The following CCSER1 variants were observed in gnomAD, a reference collection of about 807,000 sequenced individuals.
The protein encoded by CCSER1 is serine-rich coiled-coil domain-containing protein 1.
Under a neutral mutation model 82.0 loss-of-function variants are expected in CCSER1, and 41 were observed. The ratio of observed to expected loss-of-function variants is 0.50; its 90% CI spans 0.39 to 0.65. The LOEUF is 0.65. CCSER1 is among the 30% of genes least tolerant of loss of function. The pLI is 0.00. For synonymous variants in CCSER1, 414 were observed against 383.9 expected, an observed-to-expected ratio of 1.08 and a Z score of -0.92; for missense variants, 1,119 against 1,064.2, an observed-to-expected ratio of 1.05 and a Z score of -0.72.
chr4:91,217,070 C>G (rs1015875826), intron 10 of CCSER1, among the ~76,000 whole-genome samples: 4 of 151,996 alleles, frequency 2.6e-5, no homozygotes, highest in African/African-American at 9.7e-5. Flanking sequence ...CAGATGTGTT[C>G]GTAGTTTCTT....
chr4:90,505,713 C>T (rs1465556665), intron 5 of CCSER1, among the ~76,000 whole-genome samples: 5 of 152,170 alleles, frequency 3.3e-5, no homozygotes, highest in African/African-American at 4.8e-5. Flanking sequence ...TGTAAACTGC[C>T]TTGGCACTGA....
rs1764916968 is a variant in CCSER1 at position 91,605,226 on chromosome 4, G to C, written c.*6169G>C. The C allele has an allele frequency of 6.6e-6, 1 of 151,916 alleles. No individual in the cohort carries two copies. The highest frequency in any genetic ancestry group is 1.5e-5 in the Non-Finnish European group (1 of 67,910). The allele number at this position is 151,916 out of a possible 1,614,324, so 9.4% of individuals were successfully genotyped here. On this transcript the variant is annotated 3_prime_UTR_variant, in exon 11 of 11. Coordinates refer to ENST00000509176, the MANE Select transcript of CCSER1 (RefSeq NM_001145065.2). ...TTGGTTAATATTCTAAGAAAAGATT[G>C]ATATATTTAAGCATGGTGATTAGAA... is the stretch of plus-strand genomic sequence containing the variant.
rs933710234 is a variant in CCSER1 at position 90,276,844 on chromosome 4, G to GT, written c.-41-31392dup. 2.0e-4 allele frequency among the ~76,000 whole-genome samples: 31 copies of GT among 151,882 alleles called. No homozygotes were observed. The East Asian group carries it at 2.1e-3, about 10-fold the overall frequency. On this transcript the variant is annotated intron_variant, in intron 1 of 10. Coordinates refer to ENST00000509176, the MANE Select transcript of CCSER1 (RefSeq NM_001145065.2). ...TGCATTTCTAGGTATTTAATGTTTT[G>GT]TTTTTTTTGTATGTGGCTATTGTAA...
chr4:90,423,697 G>C lies in CCSER1; in HGVS notation c.1603+23568G>C, dbSNP rs576738743. Among the ~76,000 whole-genome samples the C allele has an allele frequency of 1.8e-3, 267 of 152,036 alleles. 1 individual carries two copies. The highest frequency in any genetic ancestry group is 6.2e-3 in the African/African-American group (258 of 41,510). Reference sequence around the variant, plus strand: ...TTACCATGTTGCCCAGGCTGGTCTTGAACTCCTAACCTCAGGTGATCCGCC... The same window carrying C: ...TTACCATGTTGCCCAGGCTGGTCTTCAACTCCTAACCTCAGGTGATCCGCC... On this transcript the variant is annotated intron_variant, in intron 4 of 10. Coordinates refer to ENST00000509176, the MANE Select transcript of CCSER1 (RefSeq NM_001145065.2).
chr4:90,437,948 A>C (rs1240990807), intron 4 of CCSER1, among the ~76,000 whole-genome samples: 2 of 152,154 alleles, frequency 1.3e-5, no homozygotes, highest in African/African-American at 4.8e-5. Context: ...CTTTGAGATA[A>C]GAGAGGCTTG....
chr4:91,023,724 A>T (rs575459598), intron 9 of CCSER1, among the ~76,000 whole-genome samples: 60 of 152,270 alleles, frequency 3.9e-4, no homozygotes, highest in African/African-American at 1.4e-3. Context: ...AACCTAGGCA[A>T]TACCATTCAG....
intron 9 of CCSER1, among the ~76,000 whole-genome samples, chr4:90,982,694 TAAAC>T (rs1270302761): frequency 6.6e-6 from 1 of 151,608 alleles, no homozygotes; most frequent in Non-Finnish European, 1.5e-5. Flanking sequence ...GTGCCTAAAA[TAAAC>T]AAACTCCTAT....
chr4:91,530,245 G>A (rs375346275), intron 10 of CCSER1, among the ~76,000 whole-genome samples: 10 of 151,968 alleles, frequency 6.6e-5, no homozygotes, highest in African/African-American at 2.4e-4. Flanking sequence ...TATGTGACAG[G>A]ATTTGCCTAT....
At chr4:90,640,674 G>A (rs1017991869) in intron 6 of CCSER1, among the ~76,000 whole-genome samples, 1 of 152,138 alleles carries the variant, frequency 6.6e-6, no homozygotes. Context: ...TCATGGGGAT[G>A]ATTTCTCCCA....
chr4:90,972,475 A>G (rs1205269330), intron 9 of CCSER1, among the ~76,000 whole-genome samples: 3 of 151,836 alleles, frequency 2.0e-5, no homozygotes, highest in Non-Finnish European at 4.4e-5. Flanking sequence ...CAACAAAGTG[A>G]AAGATCTGTG....
rs933121112 is a variant in CCSER1, at chr4:91,368,161, C to G, written c.2218-230411C>G. ...TCTGCATTTCCCTTCTATTTTCTCC[C>G]TAGGATGTCAGAAGAGATAACTAAA... On this transcript the variant is annotated intron_variant, in intron 10 of 10. Coordinates refer to ENST00000509176, the MANE Select transcript of CCSER1 (RefSeq NM_001145065.2). Among the ~76,000 whole-genome samples the G allele has an allele frequency of 3.3e-5, 5 of 151,754 alleles. No homozygotes were observed. In the East Asian group the frequency reaches 9.6e-4, roughly 29 times the overall value.
chr4:90,509,690 A>AT (rs1034470830), intron 5 of CCSER1, among the ~76,000 whole-genome samples: 3 of 151,836 alleles, frequency 2.0e-5, no homozygotes, highest in East Asian at 1.9e-4. Flanking sequence ...TTATTTCCTG[A>AT]TTTTTTCCCC....
chr4:91,246,905 G>A (rs1057342444), intron 10 of CCSER1, among the ~76,000 whole-genome samples: 13 of 151,694 alleles, frequency 8.6e-5, no homozygotes, highest in Admixed American at 1.3e-4. Flanking sequence ...TTGCATTAGG[G>A]CCATACAAAT....
intron 4 of CCSER1, among the ~76,000 whole-genome samples, chr4:90,436,045 A>G (rs763325731): frequency 9.2e-5 from 14 of 152,154 alleles, no homozygotes; most frequent in Non-Finnish European, 1.5e-4. Context: ...GTTAATATTC[A>G]TGATATTATA....
chr4:91,052,985 T>C (rs772388974), intron 9 of CCSER1, among the ~76,000 whole-genome samples: 6 of 152,056 alleles, frequency 3.9e-5, no homozygotes, highest in Non-Finnish European at 8.8e-5. Context: ...TGTTCTCCTC[T>C]GGTAAGGTTG....
intron 1 of CCSER1, among the ~76,000 whole-genome samples, chr4:90,289,515 C>T (rs1730533427): frequency 6.6e-6 from 1 of 151,868 alleles, no homozygotes; most frequent in African/African-American, 2.4e-5. Context: ...TAAGAGACCA[C>T]TATCTTTCCT....
chr4:90,854,607 C>A (rs1436039907), intron 8 of CCSER1, among the ~76,000 whole-genome samples: 5 of 152,160 alleles, frequency 3.3e-5, no homozygotes, highest in Non-Finnish European at 5.9e-5. Flanking sequence ...CTCCACTTTT[C>A]CATCCTCCAA....
In CCSER1 at chr4:90,985,805, A is replaced by G. The variant is rs188031983; in HGVS notation, c.2172+62358A>G. 3.5e-3 allele frequency among the ~76,000 whole-genome samples: 526 copies of G among 151,868 alleles called. 4 individuals are homozygous for G. Among genetic ancestry groups the G allele is most frequent in the African/African-American group, 0.012 (507 of 41,494 alleles). ...TTTTAGGAATGTGTTAATTGAAGAA[A>G]AAAAGAAAAGAAACAGAATGACTTG... On this transcript the variant is annotated intron_variant, in intron 9 of 10. Transcript: ENST00000509176.
chr4:90,130,748 G>C (rs575856299), intron 1 of CCSER1, among the ~76,000 whole-genome samples: 1 of 146,140 alleles, frequency 6.8e-6, no homozygotes, highest in Admixed American at 6.9e-5. Context: ...CTCAGCCTCC[G>C]GAGTAGTTGG....
Sources: allele counts gnomAD v4.1 joint callset (sites outside exome capture counted in the v4.1 genomes callset), GRCh38; gene constraint gnomAD v4.1.1; transcripts MANE v1.5; gene names NCBI Gene and HGNC (gene_info 2026-07-23, HGNC 2026-07-21).